KMT2B: variants seen among roughly 807,000 people sequenced by gnomAD.
The protein encoded by KMT2B is lysine methyltransferase 2B, also known as histone-lysine N-methyltransferase 2B.
Under a neutral mutation model 255.3 loss-of-function variants are expected in KMT2B, and 22 were observed. The observed-to-expected ratio is 0.09, with a 90% confidence interval of 0.06 to 0.12. The LOEUF (loss-of-function observed/expected upper bound fraction) is 0.12, where lower values mean the gene tolerates loss of function less well. Ranked by LOEUF, KMT2B falls within the 10% of genes least tolerant of loss-of-function variation. The pLI is 1.00. For missense variants in KMT2B, 3,149 were observed against 3,737.0 expected (o/e 0.84, Z 4.10); for synonymous variants, 1,730 against 1,498.1 (o/e 1.15, Z -3.57).
intron 19 of KMT2B, 56 bp from the exon 20 acceptor site, chr19:35,728,718 C>G (rs1044722649): frequency 7.3e-6 from 10 of 1,378,856 alleles, no homozygotes. Flanking sequence ...TGTGGATGGG[C>G]CCCCGTTCAG....
rs1455139312 is a variant in KMT2B at position 35,721,617 on chromosome 19, A to T, written c.2270A>T (p.Gln757Leu). ...QLLPQALPPP[Q>L]PQLQPPPSPQ... is the part of the protein sequence containing the mutation. The stretch of plus-strand genomic sequence containing the variant: ...CTGCCCCAGGCACTACCGCCACCAC[A>T]GCCACAGCTGCAGCCACCGCCGTCA... Residue 757 changes from glutamine to leucine, a missense_variant, in exon 3 of 37, where the codon CAG becomes CTG. By Grantham distance (113) the Gln-to-Leu change is moderately radical (BLOSUM62 -2). This residue lies in a region of KMT2B where 1,188 missense variants were observed against 1,106.4 expected (regional missense o/e 1.07). Transcript: ENST00000420124. The T allele has an allele frequency of 6.2e-7, 1 of 1,612,676 alleles. No individual in the cohort carries two copies. Among genetic ancestry groups the T allele is most frequent in the African/African-American group, 1.3e-5 (1 of 74,890 alleles).
chr19:35,736,846 G>T lies in KMT2B; in HGVS notation c.7297+19G>T, dbSNP rs372763960. The T allele has an allele frequency of 6.2e-7, 1 of 1,613,854 alleles. No homozygotes were observed. Among genetic ancestry groups the T allele is most frequent in the African/African-American group, 1.3e-5 (1 of 74,918 alleles). ...TTGGAGGGTGAGTGGGGGGAGTGCA[G>T]TGGCAGGAGGGAGAGTGTCCATAAA... On this transcript the variant is annotated intron_variant, in intron 31 of 36. Transcript: ENST00000420124.
Position 35,721,603 on chromosome 19 carries a change from A to C in KMT2B, c.2256A>C (p.Ala752=). Residue 752 remains alanine, a synonymous_variant, in exon 3 of 37, where the codon GCA becomes GCC. Transcript: ENST00000420124. The part of the protein sequence containing the change: ...QALQTQLLPQ[A]LPPPQPQLQP... ...TGCAAACCCAGCTCCTGCCCCAGGCACTACCGCCACCACAGCCACAGCTGC... is the reference window on the plus strand; with the variant it reads ...TGCAAACCCAGCTCCTGCCCCAGGCCCTACCGCCACCACAGCCACAGCTGC... 1 of 1,612,372 alleles carries C rather than the reference A, an allele frequency of 6.2e-7. No homozygotes were observed. The highest frequency in any genetic ancestry group is 2.2e-5 in the East Asian group (1 of 44,852).
chr19:35,737,868 C>T lies in KMT2B; in HGVS notation c.7668C>T (p.Thr2556=). 1 of 1,572,612 alleles carries T rather than the reference C, an allele frequency of 6.4e-7. No individual in the cohort carries two copies. Residue 2556 remains threonine (T), a synonymous_variant, in exon 35 of 37, where the codon ACC becomes ACT. Coordinates refer to ENST00000420124, the MANE Select transcript of KMT2B (RefSeq NM_014727.3). This position sits in a 1 kb window ranked among gnomAD's most constrained non-coding sequence, Gnocchi z 5.3. The part of the protein sequence containing the change: ...EVQLRSTRRA[T]SLELPMAMRF... ...TGCTGTCCCTCACCAGACGTGCCACCAGCCTGGAGCTGCCCATGGCCATGC... is the reference window on the plus strand; with the variant it reads ...TGCTGTCCCTCACCAGACGTGCCACTAGCCTGGAGCTGCCCATGGCCATGC...
chr19:35,723,611 C>A lies in KMT2B; in HGVS notation c.3058+109C>A. 1.5e-6 allele frequency: 2 copies of A among 1,299,800 alleles called. No individual in the cohort carries two copies. Among genetic ancestry groups the A allele is most frequent in the South Asian group, 1.5e-5 (1 of 68,832 alleles). The allele number at this position is 1,299,800 out of a possible 1,614,324, so 80.5% of individuals were successfully genotyped here. A position where few individuals can be genotyped will look rare whatever the true frequency, so the allele number is the denominator to read the frequency against. ...CCTTGCAGCTCACCCTCTCCATCTT[C>A]TCCGTTGTGTGCTTTCATAGCTCCT... On this transcript the variant is annotated intron_variant, in intron 7 of 36. Transcript: ENST00000420124. This position sits in a 1 kb window ranked among gnomAD's most constrained non-coding sequence, Gnocchi z 7.5.
chr19:35,728,918 G>A, intron 20 of KMT2B, 29 bp downstream of exon 20: 1 of 1,612,536 alleles, frequency 6.2e-7, no homozygotes, highest in Non-Finnish European at 8.5e-7. Flanking sequence ...CCAGAAGCCA[G>A]GGCCCTGTGT....
chr19:35,730,212 T>C, intron 23 of KMT2B, 87 bp downstream of exon 23: 1 of 1,599,998 alleles, frequency 6.3e-7, no homozygotes, highest in Non-Finnish European at 8.5e-7. Context: ...GGCCTGGCCC[T>C]ACTGCCTCTC....
At position 35,728,760 on chromosome 19, in the gene KMT2B, C is replaced by G; in HGVS notation, c.4572-14C>G. On this transcript the variant is annotated splice_polypyrimidine_tract_variant and intron_variant, in intron 19 of 36. Coordinates refer to ENST00000420124, the MANE Select transcript of KMT2B (RefSeq NM_014727.3). ...TTGTTGGGCACATCAGCTGCTAACC[C>G]TGCCTGTCCACAGCGGAGTCCTTCC... The G allele has an allele frequency of 1.2e-6, 2 of 1,609,622 alleles. No individual in the cohort carries two copies. Among genetic ancestry groups the G allele is most frequent in the South Asian group, 1.1e-5 (1 of 90,996 alleles).
In KMT2B at chr19:35,718,786, C is replaced by T. The variant is rs1464487770; in HGVS notation, c.363+405C>T. ...TTACCTGTGGGCCGCCCCGCCGGGC[C>T]TCGCAACCTCCTGGTTTCTCCAGGG... On this transcript the variant is annotated intron_variant, in intron 1 of 36. Transcript: ENST00000420124. The surrounding 1 kb of genome is among the most constrained non-coding windows in gnomAD (Gnocchi z 5.0). 2.0e-5 allele frequency among the ~76,000 whole-genome samples: 3 copies of T among 152,214 alleles called. No homozygotes were observed. Among genetic ancestry groups the T allele is most frequent in the East Asian group, 1.9e-4 (1 of 5,196 alleles).
At position 35,723,542 on chromosome 19, in the gene KMT2B, T is replaced by TA. The variant is rs1220284263; in HGVS notation, c.3058+41dup. On this transcript the variant is annotated intron_variant, in intron 7 of 36. Transcript: ENST00000420124. This position sits in a 1 kb window ranked among gnomAD's most constrained non-coding sequence, Gnocchi z 7.5. ...GGAGCATTTCTTCTCAAAACCGTGT[T>TA]AGAGTTTGTGCTGTGGAGGGAGCTG... 3 of 1,536,686 alleles carry TA rather than the reference T, an allele frequency of 2.0e-6. No homozygotes were observed. Among genetic ancestry groups the TA allele is most frequent in the African/African-American group, 1.4e-5 (1 of 72,646 alleles).
chr19:35,733,646 C>T lies in KMT2B; in HGVS notation c.7009C>T (p.Leu2337=). ...CCCCACAGTGCGTGGGGTCCTTGAC[C>T]TGGATCGGCCTGGGGAGCCCGCTGG... ...KTPTVRGVLD[L]DRPGEPAGEE... Residue 2337 remains leucine, a synonymous_variant, in exon 29 of 37, where the codon CTG becomes TTG. Transcript: ENST00000420124. This position sits in a 1 kb window ranked among gnomAD's most constrained non-coding sequence, Gnocchi z 4.3. 1 of 1,599,034 alleles carries T rather than the reference C, an allele frequency of 6.3e-7. No individual in the cohort carries two copies. Among genetic ancestry groups the T allele is most frequent in the Non-Finnish European group, 8.5e-7 (1 of 1,173,294 alleles).
chr19:35,727,135 C>A lies in KMT2B; in HGVS notation c.4004-21C>A, dbSNP rs755846228. On this transcript the variant is annotated intron_variant, in intron 14 of 36. Coordinates refer to ENST00000420124, the MANE Select transcript of KMT2B (RefSeq NM_014727.3). The surrounding 1 kb of genome is among the most constrained non-coding windows in gnomAD (Gnocchi z 4.2). Reference sequence around the variant, plus strand: ...AGTGGGAACTCCAGCACCTCTGACTCCTTCTCTTCCCTTTCTCTAGGAAAC... The same window carrying A: ...AGTGGGAACTCCAGCACCTCTGACTACTTCTCTTCCCTTTCTCTAGGAAAC... The A allele has an allele frequency of 3.8e-6, 6 of 1,568,096 alleles. No individual in the cohort carries two copies. The highest frequency in any genetic ancestry group is 1.7e-4 in the Middle Eastern group (1 of 5,986).
At chr19:35,719,630 G>A (rs2146432955) in intron 2 of KMT2B, 89 bp downstream of exon 2, 1 of 1,505,042 alleles carries the variant, frequency 6.6e-7, no homozygotes, top group East Asian at 2.3e-5. Context: ...ACTAGCCTCT[G>A]TCAGTTGCCG....
Position 35,733,426 on chromosome 19 carries a change from C to T in KMT2B, c.6877C>T (p.Pro2293Ser), listed in dbSNP as rs187370444. The change falls in exon 28 of 37, where the codon CCC becomes TCC. Residue 2293 changes from proline (P) to serine (S), a missense_variant. By Grantham distance (74) the Pro-to-Ser change is moderately conservative. This residue lies in a region of KMT2B where 897 missense variants were observed against 825.3 expected (regional missense o/e 1.09). Coordinates refer to ENST00000420124, the MANE Select transcript of KMT2B (RefSeq NM_014727.3). The surrounding 1 kb of genome is among the most constrained non-coding windows in gnomAD (Gnocchi z 4.3). ...CTCCGGCCGGTCCCCGCCAGCACCT[C>T]CCCCATACAAAGCCCCCCGGCTGGA... The part of the protein sequence containing the change: ...TFSGRSPPAP[P>S]PYKAPRLDED... The T allele has an allele frequency of 3.3e-4, 515 of 1,555,018 alleles. 1 individual carries two copies. Among genetic ancestry groups the T allele is most frequent in the Non-Finnish European group, 4.0e-4 (461 of 1,149,512 alleles).
At chr19:35,729,919 C>T in intron 22 of KMT2B, 48 bp from the exon 23 acceptor site, 1 of 1,574,188 alleles carries the variant, frequency 6.4e-7, no homozygotes, top group Non-Finnish European at 8.6e-7. Flanking sequence ...GTGCCTGGCG[C>T]CCAGCCCCAG....
At position 35,720,000 on chromosome 19, in the gene KMT2B, G is replaced by C. The variant is rs377667885; in HGVS notation, c.653G>C (p.Arg218Pro). 1.9e-6 allele frequency: 3 copies of C among 1,612,908 alleles called. No individual in the cohort carries two copies. Among genetic ancestry groups the C allele is most frequent in the Non-Finnish European group, 2.5e-6 (3 of 1,179,670 alleles). Reference sequence around the variant, plus strand: ...GCATGTGAGCCCTCCACCCCCCGGCGGTCTCGGGGACGGCCCCCAGGACGG... The same window carrying C: ...GCATGTGAGCCCTCCACCCCCCGGCCGTCTCGGGGACGGCCCCCAGGACGG... ...SRACEPSTPR[R>P]SRGRPPGRPA... is the part of the protein sequence containing the mutation. The change falls in exon 3 of 37, where the codon CGG becomes CCG. Residue 218 changes from arginine to proline, a missense_variant. Physicochemically the swap from Arg to Pro is moderately radical, Grantham distance 103. Transcript: ENST00000420124.
rs1255539667 is a variant in KMT2B, at chr19:35,726,200, G to T, written c.3886-36G>T. On this transcript the variant is annotated intron_variant, in intron 13 of 36. Coordinates refer to ENST00000420124, the MANE Select transcript of KMT2B (RefSeq NM_014727.3). ...CCCGCTCATGTTGCTCCAGTCCAGT[G>T]CCTGGTTTTCCCCTAACATCGCCCT... is the stretch of plus-strand genomic sequence containing the variant. 8 of 1,526,450 alleles carry T rather than the reference G, an allele frequency of 5.2e-6. No individual in the cohort carries two copies. In the Admixed American group the frequency reaches 8.5e-5, roughly 16 times the overall value. The allele number at this position is 1,526,450 out of a possible 1,614,324, so 94.6% of individuals were successfully genotyped here. A position where few individuals can be genotyped will look rare whatever the true frequency, so the allele number is the denominator to read the frequency against.
chr19:35,725,112 A>T lies in KMT2B; in HGVS notation c.3528+25A>T. 1 of 1,596,144 alleles carries T rather than the reference A, an allele frequency of 6.3e-7. No individual in the cohort carries two copies. The highest frequency in any genetic ancestry group is 8.6e-7 in the Non-Finnish European group (1 of 1,163,728). ...GGTATGGCATTGAGTGGGGCGAGTCACAGAGCCTCTGGTTGGAAGAACCTC... is the reference window on the plus strand; with the variant it reads ...GGTATGGCATTGAGTGGGGCGAGTCTCAGAGCCTCTGGTTGGAAGAACCTC... On this transcript the variant is annotated intron_variant, in intron 10 of 36. Transcript: ENST00000420124. This position sits in a 1 kb window ranked among gnomAD's most constrained non-coding sequence, Gnocchi z 4.1.
Position 35,721,451 on chromosome 19 carries a change from C to T in KMT2B, c.2104C>T (p.Leu702Phe). The change falls in exon 3 of 37, where the codon CTC becomes TTC. Residue 702 changes from leucine to phenylalanine, a missense_variant. Transcript: ENST00000420124. ...EPRAVGRTNHLSLPRFAPVVT... is the reference protein window; with the variant it reads ...EPRAVGRTNHFSLPRFAPVVT... ...TCGGGCAGTGGGCCGCACCAACCAC[C>T]TCAGCCTGCCTCGATTCGCCCCTGT... The T allele has an allele frequency of 6.2e-7, 1 of 1,612,668 alleles. No homozygotes were observed. Among genetic ancestry groups the T allele is most frequent in the Non-Finnish European group, 8.5e-7 (1 of 1,179,840 alleles).
Sources: gnomAD v4.1 joint callset for allele counts (sites outside exome capture counted in the v4.1 genomes callset) on GRCh38, gnomAD v4.1.1 for gene constraint, gnomAD v4.1.1 regional missense constraint, Gnocchi (gnomAD v3.1) non-coding constraint, MANE v1.5 for transcripts, NCBI Gene and HGNC (gene_info 2026-07-23, HGNC 2026-07-21) for gene names.